WEE1: variants seen among roughly 807,000 people sequenced by gnomAD.
The protein encoded by WEE1 is wee1-like protein kinase.
WEE1 carries 16 observed loss-of-function variants against 68.8 expected under a neutral mutation model. The ratio of observed to expected loss-of-function variants is 0.23; its 90% confidence interval spans 0.16 to 0.35. The LOEUF (loss-of-function observed/expected upper bound fraction) is 0.35, where lower values mean the gene tolerates loss of function less well. WEE1 is among the 10% of genes least tolerant of loss of function. WEE1 has a pLI of 1.00. For missense variants in WEE1, 651 were observed against 824.1 expected (o/e 0.79, Z 2.57); for synonymous variants, 349 against 318.7 (o/e 1.09, Z -1.01).
Position 9,586,756 on chromosome 11 carries a change from C to G in WEE1, c.1687C>G (p.Leu563Val), listed in dbSNP as rs747261635. ...DPERRPSAMA[L>V]VKHSVLLSAS... ...AGAGAGAAGACCTTCAGCAATGGCA[C>G]TGGTAAAGCATTCAGTATTGCTGTC... The change falls in exon 10 of 11, where the codon CTG (leucine) becomes GTG (valine). Residue 563 changes from leucine to valine, a missense_variant. By Grantham distance (32) the Leu-to-Val change is conservative. Around this residue, in one of 5 missense-constraint regions of WEE1, gnomAD observed 115 missense variants for 142.7 expected, o/e 0.81. Coordinates refer to ENST00000450114, the MANE Select transcript of WEE1 (RefSeq NM_003390.4). The G allele has an allele frequency of 6.2e-7, 1 of 1,614,058 alleles. No homozygotes were observed. The highest frequency in any genetic ancestry group is 1.7e-5 in the Admixed American group (1 of 60,012).
chr11:9,583,806 T>C (rs1426563358), intron 6 of WEE1, among the ~76,000 whole-genome samples: 241 of 12,610 alleles, frequency 0.019, no homozygotes, highest in Non-Finnish European at 0.023. Flanking sequence ...CACACACATA[T>C]ATATATATAT....
chr11:9,577,453 A>G (rs1849576485), intron 5 of WEE1, 190 bp downstream of exon 5: 2 of 613,346 alleles, frequency 3.3e-6, no homozygotes, highest in Non-Finnish European at 5.5e-6. Flanking sequence ...TACATATCTC[A>G]GTAGTAGAAC....
At chr11:9,586,336 G>A in intron 8 of WEE1, 113 bp from the exon 9 acceptor site, 1 of 905,598 alleles carries the variant, frequency 1.1e-6, no homozygotes, top group South Asian at 1.8e-5. Flanking sequence ...CTTAAATGTG[G>A]TATTAGACAC....
chr11:9,581,437 G>T (rs1589978825), intron 5 of WEE1, 95 bp from the exon 6 acceptor site: 1 of 1,182,034 alleles, frequency 8.5e-7, no homozygotes. Flanking sequence ...ACACTTTCTT[G>T]GTTGAGATTG....
chr11:9,576,104 T>C lies in WEE1; in HGVS notation c.782+11T>C. On this transcript the variant is annotated intron_variant, in intron 2 of 10. Coordinates refer to ENST00000450114, the MANE Select transcript of WEE1 (RefSeq NM_003390.4). The surrounding 1 kb of genome is among the most constrained non-coding windows in gnomAD (Gnocchi z 4.3). ...AACGTATTGGAATGAGTAAGTCGTT[T>C]ATTTAACAGTTTGGTTCTCCAAATA... 2 of 1,613,596 alleles carry C rather than the reference T, an allele frequency of 1.2e-6. No individual in the cohort carries two copies. Among genetic ancestry groups the C allele is most frequent in the Non-Finnish European group, 1.7e-6 (2 of 1,179,576 alleles).
chr11:9,581,957 G>A (rs753787632), intron 6 of WEE1, among the ~76,000 whole-genome samples: 30 of 152,298 alleles, frequency 2.0e-4, no homozygotes, highest in Admixed American at 5.2e-4. Flanking sequence ...TCCCCATCCC[G>A]TGCTCAAGCA....
Position 9,585,467 on chromosome 11 carries a change from C to T in WEE1, c.1410C>T (p.Ile470=). 2 of 1,604,518 alleles carry T rather than the reference C, an allele frequency of 1.2e-6. No individual in the cohort carries two copies. Among genetic ancestry groups the T allele is most frequent in the Non-Finnish European group, 1.7e-6 (2 of 1,177,672 alleles). ...KIGDLGHVTR[I]SSPQVEEGDS... ...GTGATCTTGGGCATGTAACAAGGAT[C>T]TCCAGTCCACAAGTTGAAGAGGGCG... The change falls in exon 8 of 11, where the codon ATC becomes ATT. Residue 470 remains isoleucine, a synonymous_variant. Coordinates refer to ENST00000450114, the MANE Select transcript of WEE1 (RefSeq NM_003390.4).
intron 10 of WEE1, 40 bp from the exon 11 acceptor site, chr11:9,588,409 C>T: frequency 7.0e-7 from 1 of 1,426,488 alleles, no homozygotes; most frequent in Non-Finnish European, 9.4e-7. Flanking sequence ...CTTAGAATCT[C>T]TTCCTAGGAA....
chr11:9,581,521 A>G lies in WEE1; in HGVS notation c.1142-11A>G, dbSNP rs1021636554. The G allele has an allele frequency of 5.7e-6, 9 of 1,581,960 alleles. No individual in the cohort carries two copies. Among genetic ancestry groups the G allele is most frequent in the African/African-American group, 4.1e-5 (3 of 72,860 alleles). ...AAAGAAGAAAATGCTAATATTTTCT[A>G]TCTTTGTTAGGTGGAAGTTTAGCTG... On this transcript the variant is annotated splice_polypyrimidine_tract_variant and intron_variant, in intron 5 of 10. Transcript: ENST00000450114.
chr11:9,582,644 G>A (rs1053103161), intron 6 of WEE1, among the ~76,000 whole-genome samples: 1 of 152,126 alleles, frequency 6.6e-6, no homozygotes, highest in Non-Finnish European at 1.5e-5. Context: ...TCAGCTCTCT[G>A]TAACCTCTGC....
intron 1 of WEE1, chr11:9,575,350 T>G: frequency 1.0e-6 from 1 of 990,454 alleles, no homozygotes; most frequent in Non-Finnish European, 1.2e-6. Context: ...ATTTGTAAGG[T>G]TAACAGGGAA....
chr11:9,575,850 G>A, intron 1 of WEE1, 38 bp from the exon 2 acceptor site: 1 of 1,590,964 alleles, frequency 6.3e-7, no homozygotes. Context: ...TATAGGACTT[G>A]GATCCTAAAA....
chr11:9,581,383 T>G, intron 5 of WEE1, 149 bp from the exon 6 acceptor site: 1 of 651,412 alleles, frequency 1.5e-6, no homozygotes, highest in Non-Finnish European at 2.5e-6. Flanking sequence ...ACAATAAAAT[T>G]TTGATTTCAC....
At chr11:9,581,967 A>G (rs1849633026) in intron 6 of WEE1, among the ~76,000 whole-genome samples, 1 of 152,226 alleles carries the variant, frequency 6.6e-6, no homozygotes, top group Non-Finnish European at 1.5e-5. Context: ...GTGCTCAAGC[A>G]GTCATCCCAC....
chr11:9,582,662 G>A (rs1321003496), intron 6 of WEE1, among the ~76,000 whole-genome samples: 2 of 152,068 alleles, frequency 1.3e-5, no homozygotes, highest in African/African-American at 2.4e-5. Context: ...TGCCTCCCAC[G>A]TTCAAGCGAT....
In WEE1 at chr11:9,574,020, C is replaced by T. The variant is rs1178883175; in HGVS notation, c.87C>T (p.Pro29=). The T allele has an allele frequency of 3.7e-5, 47 of 1,275,370 alleles. No homozygotes were observed. The highest frequency in any genetic ancestry group is 4.6e-5 in the Non-Finnish European group (46 of 1,010,302). 79.0% of individuals were successfully genotyped at this position (1,275,370 alleles called of 1,614,324 possible). A position where few individuals can be genotyped will look rare whatever the true frequency, so the allele number is the denominator to read the frequency against. Residue 29 remains proline (P), a synonymous_variant, in exon 1 of 11, where the codon CCC becomes CCT. Coordinates refer to ENST00000450114, the MANE Select transcript of WEE1 (RefSeq NM_003390.4). The surrounding 1 kb of genome is among the most constrained non-coding windows in gnomAD (Gnocchi z 4.9). ...CTLRQKLIFS[P]CSDCEEEEEE... ...TGCGGCAGAAGCTGATCTTCTCGCC[C>T]TGCAGCGACTGTGAGGAGGAGGAAG...
Position 9,586,490 on chromosome 11 carries a change from C to G in WEE1, c.1512C>G (p.Ala504=). The change falls in exon 9 of 11, where the codon GCC becomes GCG. Residue 504 remains alanine (A), a synonymous_variant. Coordinates refer to ENST00000450114, the MANE Select transcript of WEE1 (RefSeq NM_003390.4). ...CAAAAGCAGATATTTTTGCGCTTGC[C>G]CTCACAGTGGTATGTGCTGCTGGTG... ...HLPKADIFAL[A]LTVVCAAGAE... is the part of the protein sequence containing the mutation. The G allele has an allele frequency of 6.2e-7, 1 of 1,613,750 alleles. No homozygotes were observed. The highest frequency in any genetic ancestry group is 8.5e-7 in the Non-Finnish European group (1 of 1,179,870).
intron 5 of WEE1, chr11:9,581,069 A>C (rs1318872471): frequency 1.3e-5 from 2 of 156,250 alleles, no homozygotes; most frequent in African/African-American, 4.8e-5. Context: ...ACCTCTGTGG[A>C]GTGGGGCACC....
chr11:9,582,932 T>C (rs1294563076), intron 6 of WEE1, among the ~76,000 whole-genome samples: 2 of 152,212 alleles, frequency 1.3e-5, no homozygotes, highest in African/African-American at 4.8e-5. Flanking sequence ...TCTTAAGGAA[T>C]AGCTGTACTC....
Sources: allele counts gnomAD v4.1 joint callset (sites outside exome capture counted in the v4.1 genomes callset), GRCh38; gene constraint gnomAD v4.1.1; regional missense constraint gnomAD v4.1.1; non-coding constraint Gnocchi (gnomAD v3.1); transcripts MANE v1.5; gene names NCBI Gene and HGNC (gene_info 2026-07-23, HGNC 2026-07-21).